The following RAD51B variants were observed in gnomAD, a reference collection of about 807,000 sequenced individuals.
RAD51B encodes RAD51 paralog B.
In RAD51B, 38 loss-of-function variants were observed where a neutral mutation model predicts 42.2. The ratio of observed to expected loss-of-function variants is 0.90; its 90% CI spans 0.70 to 1.18. RAD51B has a LOEUF of 1.18. Among genes scored for constraint, RAD51B ranks in the 50% most tolerant of loss-of-function variants. The probability of loss-of-function intolerance (pLI) is 0.00; values close to 1 mark genes in which losing one functional copy is unlikely to be tolerated. For synonymous variants in RAD51B, 154 were observed against 145.2 expected, an observed-to-expected ratio of 1.06 and a Z score of -0.43; for missense variants, 373 against 400.7, an observed-to-expected ratio of 0.93 and a Z score of 0.59.
At chr14:68,011,249 TGAACCTTTAC>T (rs2075679690) in intron 7 of RAD51B, among the ~76,000 whole-genome samples, 1 of 152,058 alleles carries the variant, frequency 6.6e-6, no homozygotes, top group Non-Finnish European at 1.5e-5. Context: ...GGGGTGTATA[TGAACCTTTAC>T]TTGTTATTTT....
At chr14:68,459,673 A>G (rs1409385326) in intron 9 of RAD51B, among the ~76,000 whole-genome samples, 1 of 152,242 alleles carries the variant, frequency 6.6e-6, no homozygotes, top group Non-Finnish European at 1.5e-5. Flanking sequence ...GCAGGACAGG[A>G]AATTGTGTAT....
intron 7 of RAD51B, among the ~76,000 whole-genome samples, chr14:68,129,386 C>G (rs1344169676): frequency 3.9e-5 from 6 of 152,128 alleles, no homozygotes; most frequent in Admixed American, 6.5e-5. Context: ...TATTCTTTAA[C>G]TAGAGAATAA....
At chr14:68,053,494 T>C (rs1763364948) in intron 7 of RAD51B, among the ~76,000 whole-genome samples, 1 of 152,164 alleles carries the variant, frequency 6.6e-6, no homozygotes, top group Non-Finnish European at 1.5e-5. Context: ...AGTACCTGGC[T>C]TCTAGAAAAT....
At chr14:68,602,492 G>T (rs1891259626) in intron 10 of RAD51B, among the ~76,000 whole-genome samples, 1 of 134,956 alleles carries the variant, frequency 7.4e-6, no homozygotes, top group Non-Finnish European at 1.6e-5. Flanking sequence ...GATGGATGAT[G>T]GATGGATGGA....
intron 10 of RAD51B, among the ~76,000 whole-genome samples, chr14:68,638,693 G>A (rs1489553051): frequency 2.0e-5 from 3 of 152,048 alleles, no homozygotes; most frequent in African/African-American, 7.2e-5. Flanking sequence ...TCCAGTGGGA[G>A]GAAAAGGGTG....
intron 7 of RAD51B, among the ~76,000 whole-genome samples, chr14:68,206,348 C>T (rs1006175365): frequency 1.3e-5 from 2 of 152,142 alleles, no homozygotes; most frequent in East Asian, 3.9e-4. Flanking sequence ...ACTGAGTAAT[C>T]AGTGGGAAAC....
intron 10 of RAD51B, among the ~76,000 whole-genome samples, chr14:68,589,746 C>A (rs933272681): frequency 2.0e-5 from 3 of 152,186 alleles, no homozygotes; most frequent in African/African-American, 7.2e-5. Context: ...ATCTTTATGG[C>A]CTGTTTTTTC....
intron 7 of RAD51B, among the ~76,000 whole-genome samples, chr14:67,917,516 C>A (rs1425514325): frequency 1.3e-5 from 2 of 152,074 alleles, no homozygotes; most frequent in African/African-American, 2.4e-5. Context: ...TCCATTAGGC[C>A]CCATTTCCCA....
intron 7 of RAD51B, among the ~76,000 whole-genome samples, chr14:68,026,721 G>A (rs889768587): frequency 1.3e-5 from 2 of 151,482 alleles, no homozygotes; most frequent in African/African-American, 4.9e-5. Context: ...CTCTTTACTT[G>A]GAGCCTGTGG....
chr14:68,671,113 C>T (rs1467457105), intron 11 of RAD51B, among the ~76,000 whole-genome samples: 1 of 152,112 alleles, frequency 6.6e-6, no homozygotes, highest in Non-Finnish European at 1.5e-5. Context: ...AAACTCCCTG[C>T]CAAGGGAAAG....
chr14:68,483,454 G>A (rs538489398), intron 10 of RAD51B, among the ~76,000 whole-genome samples: 1 of 152,286 alleles, frequency 6.6e-6, no homozygotes, highest in East Asian at 1.9e-4. Context: ...TTTTCCCCTA[G>A]AGCTTTCAGA....
chr14:68,343,053 T>C (rs1056740993), intron 8 of RAD51B, among the ~76,000 whole-genome samples: 3 of 152,042 alleles, frequency 2.0e-5, no homozygotes, highest in African/African-American at 7.2e-5. Flanking sequence ...GGGCACAATG[T>C]AATGTTATAA....
At chr14:68,418,707 C>T (rs953220251) in intron 9 of RAD51B, among the ~76,000 whole-genome samples, 2 of 152,200 alleles carry the variant, frequency 1.3e-5, no homozygotes, top group African/African-American at 2.4e-5. Flanking sequence ...TTGGACAAGG[C>T]GCTGCCCTGA....
chr14:67,850,724 A>G (rs1266985353), intron 4 of RAD51B, among the ~76,000 whole-genome samples: 2 of 152,206 alleles, frequency 1.3e-5, no homozygotes, highest in East Asian at 1.9e-4. Context: ...TGTCAAATGT[A>G]GAAGTGTAGT....
chr14:68,064,374 C>T (rs1362925455), intron 7 of RAD51B, among the ~76,000 whole-genome samples: 1 of 152,118 alleles, frequency 6.6e-6, no homozygotes, highest in African/African-American at 2.4e-5. Flanking sequence ...TGCTGTTTTA[C>T]AATTCTTTCT....
rs547405345 is a variant in RAD51B at position 68,604,350 on chromosome 14, A to C, written c.1037-6656A>C. 3.2e-4 allele frequency among the ~76,000 whole-genome samples: 47 copies of C among 148,516 alleles called. 1 individual carries two copies. Among genetic ancestry groups the C allele is most frequent in the African/African-American group, 1.1e-3 (45 of 40,178 alleles). On this transcript the variant is annotated intron_variant, in intron 10 of 10. Transcript: ENST00000487861. The stretch of plus-strand genomic sequence containing the variant: ...AGGGTTTCCAGTGTGATATTTGACA[A>C]GTGCAAAGGGCTGGAAATATTCTAG...
At chr14:67,865,632 G>A (rs1449326239) in intron 5 of RAD51B, among the ~76,000 whole-genome samples, 2 of 142,444 alleles carry the variant, frequency 1.4e-5, no homozygotes, top group Non-Finnish European at 3.0e-5. Flanking sequence ...TCCGCCTCCC[G>A]GGTTCAAGCG....
chr14:68,291,246 TAGA>T, intron 7 of RAD51B, among the ~76,000 whole-genome samples: 1 of 152,334 alleles, frequency 6.6e-6, no homozygotes, highest in African/African-American at 2.4e-5. Flanking sequence ...TTGTCCAGGC[TAGA>T]GTGCAATGGT....
At chr14:68,017,222 A>G (rs1365944381) in intron 7 of RAD51B, among the ~76,000 whole-genome samples, 1 of 151,912 alleles carries the variant, frequency 6.6e-6, no homozygotes, top group East Asian at 1.9e-4. Context: ...TTGAGATGGA[A>G]TCTCATTCTG....
Sources: gnomAD v4.1 joint callset for allele counts (sites outside exome capture counted in the v4.1 genomes callset) on GRCh38, gnomAD v4.1.1 for gene constraint, MANE v1.5 for transcripts, NCBI Gene and HGNC (gene_info 2026-07-23, HGNC 2026-07-21) for gene names.